WDR49: variants seen among roughly 807,000 people sequenced by gnomAD.
WDR49 encodes cilia- and flagella-associated protein 337.
In WDR49, 107 loss-of-function variants were observed where a neutral mutation model predicts 119.5. That is an observed-to-expected ratio of 0.90 (90% CI 0.77 to 1.05). The LOEUF is 1.05. Among genes scored for constraint, WDR49 ranks in the 50% least tolerant of loss-of-function variants. The probability of loss-of-function intolerance (pLI) is 0.00; values close to 1 mark genes in which losing one functional copy is unlikely to be tolerated. For missense variants in WDR49, 1,240 were observed against 1,220.5 expected, an observed-to-expected ratio of 1.02 and a Z score of -0.24; for synonymous variants, 425 against 418.8, an observed-to-expected ratio of 1.01 and a Z score of -0.18.
intron 7 of WDR49, among the ~76,000 whole-genome samples, chr3:167,593,302 T>G (rs1425113880): frequency 6.6e-6 from 1 of 151,974 alleles, no homozygotes; most frequent in Admixed American, 6.6e-5. Context: ...TCATTCTTTT[T>G]TCTTTTGCCT....
In WDR49 at chr3:167,534,022, T is replaced by C. The variant is rs1263144062; in HGVS notation, c.1955-1045A>G. On this transcript the variant is annotated intron_variant, in intron 11 of 18. Coordinates refer to ENST00000682715, the MANE Select transcript of WDR49 (RefSeq NM_001366157.1). ...GGCCAACATGGTGAAACCCCGTCTC[T>C]ACTAAAGATACAAAAAAAAAAACTT... Among the ~76,000 whole-genome samples, 4 of 151,638 alleles carry C rather than the reference T, an allele frequency of 2.6e-5. No homozygotes were observed. In the South Asian group the frequency reaches 6.3e-4, roughly 24 times the overall value.
chr3:167,503,292 G>A (rs1054002415), intron 17 of WDR49, among the ~76,000 whole-genome samples: 2 of 152,168 alleles, frequency 1.3e-5, no homozygotes, highest in Admixed American at 1.3e-4. Context: ...CCTGCAGCAG[G>A]GCATAGCCCT....
intron 10 of WDR49, among the ~76,000 whole-genome samples, chr3:167,554,200 C>T (rs1712770952): frequency 6.6e-6 from 1 of 152,020 alleles, no homozygotes; most frequent in Admixed American, 6.6e-5. Flanking sequence ...GAGTAAGTGC[C>T]TTTCGAAAGA....
chr3:167,585,387 G>GGT (rs1260608249), intron 7 of WDR49, among the ~76,000 whole-genome samples: 3 of 132,428 alleles, frequency 2.3e-5, no homozygotes, highest in African/African-American at 3.3e-5. Context: ...GTCTTAAAAG[G>GGT]GTGCGTGTGT....
At chr3:167,532,750 C>A (rs1752894358) in intron 12 of WDR49, 129 bp downstream of exon 12, 3 of 607,888 alleles carry the variant, frequency 4.9e-6, no homozygotes, top group Admixed American at 3.2e-5. Flanking sequence ...ACAATGATAT[C>A]CTTAATCCTT....
At chr3:167,483,464 C>T (rs1750797486) in intron 18 of WDR49, among the ~76,000 whole-genome samples, 1 of 152,134 alleles carries the variant, frequency 6.6e-6, no homozygotes, top group African/African-American at 2.4e-5. Context: ...GAGACGAACT[C>T]ACTTGGATGA....
At chr3:167,650,098 T>A (rs1481819104) in intron 2 of WDR49, among the ~76,000 whole-genome samples, 4 of 152,100 alleles carry the variant, frequency 2.6e-5, no homozygotes, top group African/African-American at 9.7e-5. Flanking sequence ...ACTCAGAACC[T>A]ACATAGCCAG....
chr3:167,480,910 G>A (rs1403816091), intron 18 of WDR49, among the ~76,000 whole-genome samples: 1 of 152,132 alleles, frequency 6.6e-6, no homozygotes, highest in South Asian at 2.1e-4. Flanking sequence ...CTGGGACCTG[G>A]TTTGGATCGG....
intron 5 of WDR49, among the ~76,000 whole-genome samples, chr3:167,606,097 G>A (rs922316424): frequency 1.3e-5 from 2 of 152,074 alleles, no homozygotes; most frequent in African/African-American, 2.4e-5. Context: ...ACATTCCTAG[G>A]TGTTGCTCCT....
At chr3:167,623,557 G>A (rs1219695319) in intron 3 of WDR49, among the ~76,000 whole-genome samples, 1 of 151,772 alleles carries the variant, frequency 6.6e-6, no homozygotes, top group African/African-American at 2.4e-5. Context: ...TAAACAGCAT[G>A]TACAACAACA....
At chr3:167,572,160 T>C (rs1713971837) in intron 8 of WDR49, among the ~76,000 whole-genome samples, 1 of 152,242 alleles carries the variant, frequency 6.6e-6, no homozygotes. Flanking sequence ...TCTTTCAAAA[T>C]TGTACATTCC....
At chr3:167,572,488 C>T (rs1713989891) in intron 8 of WDR49, among the ~76,000 whole-genome samples, 2 of 152,114 alleles carry the variant, frequency 1.3e-5, no homozygotes, top group African/African-American at 4.8e-5. Flanking sequence ...GGAAAATGTT[C>T]AAGAAAGACA....
intron 10 of WDR49, among the ~76,000 whole-genome samples, chr3:167,542,628 C>T (rs1455359095): frequency 6.6e-6 from 1 of 151,988 alleles, no homozygotes; most frequent in African/African-American, 2.4e-5. Flanking sequence ...CTCTGGGATA[C>T]AGCAAAACTG....
At chr3:167,503,849 C>G (rs932532238) in intron 17 of WDR49, among the ~76,000 whole-genome samples, 1 of 152,196 alleles carries the variant, frequency 6.6e-6, no homozygotes, top group East Asian at 1.9e-4. Context: ...AGGTGGTTGC[C>G]GTTGCCGGCT....
chr3:167,564,197 T>C (rs770420176), intron 8 of WDR49, among the ~76,000 whole-genome samples: 20 of 152,228 alleles, frequency 1.3e-4, no homozygotes, highest in Non-Finnish European at 2.8e-4. Flanking sequence ...AAGTCAGTCA[T>C]GACAACAGCA....
intron 7 of WDR49, among the ~76,000 whole-genome samples, chr3:167,576,861 A>ATATACATG (rs1210501675): frequency 6.6e-6 from 1 of 152,162 alleles, no homozygotes; most frequent in Non-Finnish European, 1.5e-5. Flanking sequence ...GTCTGTCTAT[A>ATATACATG]TATACATGTG....
At chr3:167,615,385 C>A (rs1239217056) in intron 5 of WDR49, among the ~76,000 whole-genome samples, 1 of 151,268 alleles carries the variant, frequency 6.6e-6, no homozygotes, top group African/African-American at 2.4e-5. Flanking sequence ...ATCTATCCAC[C>A]TTGGCCTCCT....
intron 5 of WDR49, among the ~76,000 whole-genome samples, chr3:167,619,671 T>G (rs1716772823): frequency 6.6e-6 from 1 of 152,164 alleles, no homozygotes; most frequent in Non-Finnish European, 1.5e-5. Flanking sequence ...CTAATTTCAT[T>G]AAAGTCAATG....
intron 16 of WDR49, among the ~76,000 whole-genome samples, chr3:167,513,176 G>A (rs1352005337): frequency 6.6e-6 from 1 of 151,960 alleles, no homozygotes; most frequent in Non-Finnish European, 1.5e-5. Flanking sequence ...TTAACATGAA[G>A]GAAAAAAATT....
Sources: gnomAD v4.1 joint callset for allele counts (sites outside exome capture counted in the v4.1 genomes callset) on GRCh38, gnomAD v4.1.1 for gene constraint, MANE v1.5 for transcripts, NCBI Gene and HGNC (gene_info 2026-07-23, HGNC 2026-07-21) for gene names.